Variants in UPP2 observed in about 807,000 individuals in gnomAD.
UPP2 encodes uridine phosphorylase 2.
In UPP2, 23 loss-of-function variants were observed where a neutral mutation model predicts 26.7. The ratio of observed to expected loss-of-function variants is 0.86; its 90% confidence interval spans 0.62 to 1.22. UPP2 has a LOEUF of 1.22. Ranked by LOEUF, UPP2 falls within the 50% of genes most tolerant of loss-of-function variation. The pLI, the probability that UPP2 is intolerant of heterozygous loss-of-function variation, is 0.00. For synonymous variants in UPP2, 127 were observed against 141.3 expected (o/e 0.90, Z 0.72); for missense variants, 387 against 396.7 (o/e 0.98, Z 0.21).
intron 2 of UPP2, among the ~76,000 whole-genome samples, chr2:158,110,089 T>C (rs1683281396): frequency 6.6e-6 from 1 of 152,226 alleles, no homozygotes; most frequent in Admixed American, 6.5e-5. Context: ...TGTGCCATGT[T>C]GGTGTGCTGC....
Position 158,127,992 on chromosome 2 carries a change from C to G in UPP2, c.811+4097C>G, listed in dbSNP as rs536865255. ...AAATCTACTTTAATTAAGCCCCAAA[C>G]ATTCTGATGAAAGATGATAATCCTC... On this transcript the variant is annotated intron_variant, in intron 6 of 6. Transcript: ENST00000005756. The G allele has an allele frequency of 1.2e-5, 12 of 985,366 alleles. No homozygotes were observed. The African/African-American group carries it at 2.1e-4, about 17-fold the overall frequency. 61.0% of individuals were successfully genotyped at this position (985,366 alleles called of 1,614,324 possible). A position where few individuals can be genotyped will look rare whatever the true frequency, so the allele number is the denominator to read the frequency against.
chr2:158,133,534 G>C (rs1487228791), intron 6 of UPP2, among the ~76,000 whole-genome samples: 1 of 152,096 alleles, frequency 6.6e-6, no homozygotes, highest in Non-Finnish European at 1.5e-5. Flanking sequence ...CCATAAAAAT[G>C]CAAGTATAAG....
At position 158,134,992 on chromosome 2, in the gene UPP2, C is replaced by A; in HGVS notation, c.*102C>A. 7.5e-7 allele frequency: 1 copy of A among 1,329,338 alleles called. No homozygotes were observed. The highest frequency in any genetic ancestry group is 2.8e-5 in the Admixed American group (1 of 35,106). 82.3% of individuals were successfully genotyped at this position (1,329,338 alleles called of 1,614,324 possible). Reference sequence around the variant, plus strand: ...GTGGCATTTTTATATAGTTCTCATCCACATGCTAAATGGAAAGACTTTATG... The same window carrying A: ...GTGGCATTTTTATATAGTTCTCATCAACATGCTAAATGGAAAGACTTTATG... On this transcript the variant is annotated 3_prime_UTR_variant, in exon 7 of 7. Transcript: ENST00000005756.
At chr2:158,033,684 G>A (rs754830004) in intron 3 of UPP2, among the ~76,000 whole-genome samples, 2 of 152,118 alleles carry the variant, frequency 1.3e-5, no homozygotes, top group African/African-American at 2.4e-5. Flanking sequence ...TGTCCAACAC[G>A]TTATAATTAA....
chr2:158,072,946 A>G (rs1256911838), intron 3 of UPP2, among the ~76,000 whole-genome samples: 1 of 152,160 alleles, frequency 6.6e-6, no homozygotes, highest in Non-Finnish European at 1.5e-5. Context: ...CCCAAGTATC[A>G]AGACCATCCA....
chr2:158,026,889 T>A (rs1004095685), intron 3 of UPP2, among the ~76,000 whole-genome samples: 1 of 151,902 alleles, frequency 6.6e-6, no homozygotes, highest in Admixed American at 6.6e-5. Context: ...CAAGAAGAAG[T>A]GAGGAAGATG....
Position 158,123,868 on chromosome 2 carries a change from G to A in UPP2, c.784G>A (p.Ala262Thr), listed in dbSNP as rs1268015917. 2 of 1,613,908 alleles carry A rather than the reference G, an allele frequency of 1.2e-6. No homozygotes were observed. The highest frequency in any genetic ancestry group is 1.7e-6 in the Non-Finnish European group (2 of 1,179,888). Residue 262 changes from alanine (A) to threonine (T), a missense_variant, in exon 6 of 7, where the codon GCT becomes ACT. Coordinates refer to ENST00000005756, the MANE Select transcript of UPP2 (RefSeq NM_173355.4). The stretch of plus-strand genomic sequence containing the variant: ...TGAAATGGAATCTACAGTGTTTGCA[G>A]CTATGTGTGGACTCTGTGGTCTAAA... Reference protein sequence around the residue: ...NIEMESTVFAAMCGLCGLKAA... With the variant: ...NIEMESTVFATMCGLCGLKAA...
upstream of UPP2, among the ~76,000 whole-genome samples, chr2:158,099,353 A>C (rs1338999813): frequency 6.6e-6 from 1 of 152,154 alleles, no homozygotes; most frequent in Non-Finnish European, 1.5e-5. Context: ...CTATGGGCTG[A>C]ATGGAAGAGC....
intron 4 of UPP2, among the ~76,000 whole-genome samples, chr2:158,118,893 G>A (rs117833879): frequency 6.6e-6 from 1 of 152,190 alleles, no homozygotes; most frequent in East Asian, 1.9e-4. Context: ...TGTTGGAAAA[G>A]ATGATGGCTT....
chr2:158,074,906 A>T (rs1483796943), intron 3 of UPP2, among the ~76,000 whole-genome samples: 1 of 151,864 alleles, frequency 6.6e-6, no homozygotes, highest in Admixed American at 6.6e-5. Flanking sequence ...ACATACATAG[A>T]CTGCAAATAA....
rs1683914871 is a variant in UPP2 at position 158,135,588 on chromosome 2, T to C, written c.*698T>C. 6.6e-6 allele frequency: 1 copy of C among 152,240 alleles called. No individual in the cohort carries two copies. The highest frequency in any genetic ancestry group is 6.5e-5 in the Admixed American group (1 of 15,274). 9.4% of individuals were successfully genotyped at this position (152,240 alleles called of 1,614,324 possible). On this transcript the variant is annotated 3_prime_UTR_variant, in exon 7 of 7. Transcript: ENST00000005756. ...AAGTGACTAAATTGCCTTCTAGCCATTTTTTCTTGTAAAAAAAGTGTTTTG... is the reference window on the plus strand; with the variant it reads ...AAGTGACTAAATTGCCTTCTAGCCACTTTTTCTTGTAAAAAAAGTGTTTTG...
intron 3 of UPP2, among the ~76,000 whole-genome samples, chr2:158,116,337 G>C (rs955052072): frequency 6.6e-6 from 1 of 152,096 alleles, no homozygotes; most frequent in Non-Finnish European, 1.5e-5. Flanking sequence ...GACTATAACT[G>C]TTTTTTGTAT....
At chr2:158,061,349 T>C (rs1453300621) in intron 3 of UPP2, among the ~76,000 whole-genome samples, 1 of 152,166 alleles carries the variant, frequency 6.6e-6, no homozygotes, top group Non-Finnish European at 1.5e-5. Context: ...GTGTATATCT[T>C]CAGTCACAAG....
At chr2:158,096,280 A>G (rs1477637432) in intron 3 of UPP2, among the ~76,000 whole-genome samples, 1 of 152,228 alleles carries the variant, frequency 6.6e-6, no homozygotes, top group Admixed American at 6.5e-5. Context: ...AAACAGGCTG[A>G]GAACAAAGAC....
chr2:158,003,714 T>TAAA (rs5835683), intron 2 of UPP2, among the ~76,000 whole-genome samples: 13 of 132,126 alleles, frequency 9.8e-5, no homozygotes, highest in East Asian at 6.4e-4. Context: ...TCTCAAAAAA[T>TAAA]AAAAAAAAAA....
At chr2:158,103,944 C>T (rs778173396) in intron 1 of UPP2, among the ~76,000 whole-genome samples, 1 of 152,070 alleles carries the variant, frequency 6.6e-6, no homozygotes, top group African/African-American at 2.4e-5. Flanking sequence ...ACTAACACCA[C>T]GGAATACTTT....
chr2:158,045,528 G>A (rs1236924255), intron 3 of UPP2, among the ~76,000 whole-genome samples: 2 of 152,152 alleles, frequency 1.3e-5, no homozygotes, highest in Admixed American at 6.5e-5. Context: ...GGGACTCTAG[G>A]AGGCAGTCAC....
At chr2:158,010,155 C>T (rs1458564437) in intron 2 of UPP2, among the ~76,000 whole-genome samples, 1 of 152,040 alleles carries the variant, frequency 6.6e-6, no homozygotes, top group Non-Finnish European at 1.5e-5. Context: ...GGCTTTTCAT[C>T]GAAAGCGACA....
chr2:158,130,656 T>G (rs1220835900), intron 6 of UPP2, among the ~76,000 whole-genome samples: 2 of 152,178 alleles, frequency 1.3e-5, no homozygotes, highest in African/African-American at 4.8e-5. Context: ...TTGGTTCTAA[T>G]TCAGCATTGT....
Sources: allele counts gnomAD v4.1 joint callset (sites outside exome capture counted in the v4.1 genomes callset), GRCh38; gene constraint gnomAD v4.1.1; transcripts MANE v1.5; gene names NCBI Gene and HGNC (gene_info 2026-07-23, HGNC 2026-07-21).